ACVR1: variants seen among roughly 807,000 people sequenced by gnomAD.
ACVR1 encodes the protein activin receptor type-1.
ACVR1 carries 38 observed loss-of-function variants against 57.1 expected under a neutral mutation model. The observed-to-expected ratio is 0.67, with a 90% CI of 0.51 to 0.87. ACVR1 has a LOEUF of 0.87. ACVR1 is among the 40% of genes least tolerant of loss of function. ACVR1 has a pLI of 0.00. For missense variants in ACVR1, 463 were observed against 638.2 expected (o/e 0.73, Z 2.96); for synonymous variants, 212 against 228.1 (o/e 0.93, Z 0.63).
chr2:157,803,459 AG>A (rs1183289554), intron 2 of ACVR1, among the ~76,000 whole-genome samples: 3 of 152,322 alleles, frequency 2.0e-5, no homozygotes, highest in Admixed American at 6.5e-5. Flanking sequence ...CCAAAAGGAA[AG>A]AAAAAAAGAA....
intron 2 of ACVR1, among the ~76,000 whole-genome samples, chr2:157,800,475 T>C (rs888537799): frequency 1.6e-5 from 2 of 121,214 alleles, no homozygotes; most frequent in African/African-American, 5.6e-5. Context: ...TTGTTTTTAA[T>C]TATTTTTAAA....
At chr2:157,856,789 C>T (rs541522312) in intron 1 of ACVR1, among the ~76,000 whole-genome samples, 1 of 152,116 alleles carries the variant, frequency 6.6e-6, no homozygotes, top group Non-Finnish European at 1.5e-5. Flanking sequence ...TAAATATTTA[C>T]AAAACATGCC....
intron 3 of ACVR1, among the ~76,000 whole-genome samples, chr2:157,791,911 A>G (rs543946414): frequency 7.2e-5 from 11 of 152,242 alleles, no homozygotes; most frequent in African/African-American, 1.4e-4. Flanking sequence ...ACAGTATTAT[A>G]TATATCAGAG....
chr2:157,857,748 A>G (rs1689585807), intron 1 of ACVR1, among the ~76,000 whole-genome samples: 1 of 152,230 alleles, frequency 6.6e-6, no homozygotes, highest in South Asian at 2.1e-4. Context: ...AATGACATTT[A>G]TAAGAATATC....
At chr2:157,833,565 A>G (rs182831032) in intron 1 of ACVR1, among the ~76,000 whole-genome samples, 69 of 152,336 alleles carry the variant, frequency 4.5e-4, no homozygotes, top group Non-Finnish European at 8.1e-4. Context: ...ACACACATAT[A>G]AAAAGGAAAT....
rs142202269 is a variant in ACVR1, at chr2:157,808,930, T to C, written c.-7-9430A>G. 8.5e-3 allele frequency among the ~76,000 whole-genome samples: 1,270 copies of C among 150,136 alleles called. 16 individuals carry two copies. Among genetic ancestry groups the C allele is most frequent in the African/African-American group, 0.029 (1,184 of 41,010 alleles). ...AGTAACATTTCTGAATTAGATGTTA[T>C]CTTTTCAGGAGGCTTCAAACAAAAT... is the stretch of plus-strand genomic sequence containing the variant. On this transcript the variant is annotated intron_variant, in intron 2 of 10. Coordinates refer to ENST00000434821, the MANE Select transcript of ACVR1 (RefSeq NM_001111067.4).
At chr2:157,783,236 T>C (rs1159476794) in intron 3 of ACVR1, among the ~76,000 whole-genome samples, 1 of 152,150 alleles carries the variant, frequency 6.6e-6, no homozygotes, top group Non-Finnish European at 1.5e-5. Context: ...AAATAAACTG[T>C]TTTTAAAGTT....
chr2:157,815,834 T>A (rs1403764813), intron 2 of ACVR1, among the ~76,000 whole-genome samples: 1 of 152,178 alleles, frequency 6.6e-6, no homozygotes, highest in Non-Finnish European at 1.5e-5. Context: ...CCGTGCATCG[T>A]CTGCCTTGGA....
chr2:157,740,275 T>C (rs1684701803), intron 9 of ACVR1, among the ~76,000 whole-genome samples: 1 of 152,166 alleles, frequency 6.6e-6, no homozygotes, highest in South Asian at 2.1e-4. Flanking sequence ...ATTAAAACCT[T>C]TCCTGGCAAA....
intron 3 of ACVR1, among the ~76,000 whole-genome samples, chr2:157,792,643 T>C (rs1312513459): frequency 1.3e-5 from 2 of 152,212 alleles, no homozygotes; most frequent in Admixed American, 6.5e-5. Context: ...TGACCCACTA[T>C]TGGGTAGCAA....
intron 1 of ACVR1, among the ~76,000 whole-genome samples, chr2:157,830,808 T>C (rs1038346095): frequency 5.9e-5 from 9 of 151,618 alleles, no homozygotes. Flanking sequence ...CATGCCCCCA[T>C]ACAATTCCCT....
chr2:157,813,202 A>G (rs1422612441), intron 2 of ACVR1, among the ~76,000 whole-genome samples: 7 of 152,074 alleles, frequency 4.6e-5, no homozygotes, highest in Non-Finnish European at 8.8e-5. Flanking sequence ...AAAAAAAAAA[A>G]CTAAGCCTCA....
rs1225163871 is a variant in ACVR1, at chr2:157,875,932, CGGGGCCG to C, written c.-326_-320del. 9 of 147,586 alleles carry C rather than the reference CGGGGCCG, an allele frequency of 6.1e-5. No homozygotes were observed. Among genetic ancestry groups the C allele is most frequent in the Non-Finnish European group, 9.0e-5 (6 of 66,310 alleles). 9.1% of individuals were successfully genotyped at this position (147,586 alleles called of 1,614,324 possible). A position where few individuals can be genotyped will look rare whatever the true frequency, so the allele number is the denominator to read the frequency against. ...GCCGGCGAGGGAGCCCGGAACTCTGCGGGGCCGGGAGCCGGGGGCCGAGGGCCGGCCC... is the reference window on the plus strand; with the variant it reads ...GCCGGCGAGGGAGCCCGGAACTCTGCGGAGCCGGGGGCCGAGGGCCGGCCC... On this transcript the variant is annotated 5_prime_UTR_variant, in exon 1 of 11. Coordinates refer to ENST00000434821, the MANE Select transcript of ACVR1 (RefSeq NM_001111067.4).
intron 1 of ACVR1, among the ~76,000 whole-genome samples, chr2:157,874,371 C>G (rs1278465655): frequency 6.6e-6 from 1 of 152,240 alleles, no homozygotes; most frequent in Non-Finnish European, 1.5e-5. Flanking sequence ...ATGTCCCCAT[C>G]AGTGAAATGG....
intron 9 of ACVR1, among the ~76,000 whole-genome samples, chr2:157,753,442 C>T (rs745544304): frequency 6.6e-6 from 1 of 152,052 alleles, no homozygotes; most frequent in Non-Finnish European, 1.5e-5. Context: ...GCAGGAGAAT[C>T]GCTTGAATCT....
chr2:157,744,216 T>G (rs1026755000), intron 9 of ACVR1, among the ~76,000 whole-genome samples: 23 of 152,150 alleles, frequency 1.5e-4, no homozygotes, highest in African/African-American at 5.6e-4. Context: ...GGCATGTATA[T>G]CCATACAAAG....
At chr2:157,862,974 A>G (rs1340413824) in intron 1 of ACVR1, among the ~76,000 whole-genome samples, 2 of 150,438 alleles carry the variant, frequency 1.3e-5, no homozygotes, top group East Asian at 3.9e-4. Flanking sequence ...CCATTCTATG[A>G]ATATATATAA....
At chr2:157,816,107 T>C (rs1687923983) in intron 2 of ACVR1, among the ~76,000 whole-genome samples, 1 of 152,184 alleles carries the variant, frequency 6.6e-6, no homozygotes, top group Non-Finnish European at 1.5e-5. Flanking sequence ...AAATAGAATG[T>C]ATGGTCATGT....
chr2:157,869,212 C>G (rs1285695623), intron 1 of ACVR1, among the ~76,000 whole-genome samples: 1 of 152,204 alleles, frequency 6.6e-6, no homozygotes, highest in Non-Finnish European at 1.5e-5. Flanking sequence ...CACACTGGAG[C>G]TGGTCCAAAT....
Sources: gnomAD v4.1 joint callset for allele counts (sites outside exome capture counted in the v4.1 genomes callset) on GRCh38, gnomAD v4.1.1 for gene constraint, MANE v1.5 for transcripts, NCBI Gene and HGNC (gene_info 2026-07-23, HGNC 2026-07-21) for gene names.